TAFA5: variants seen among roughly 807,000 people sequenced by gnomAD.
TAFA5 encodes the protein chemokine-like protein TAFA-5.
Under a neutral mutation model 15.3 loss-of-function variants are expected in TAFA5, and 6 were observed. That is an observed-to-expected ratio of 0.39 (90% confidence interval 0.21 to 0.77). TAFA5 has a LOEUF of 0.77. Among genes scored for constraint, TAFA5 ranks in the 30% least tolerant of loss-of-function variants. The probability of loss-of-function intolerance (pLI) is 0.41; values close to 1 mark genes in which losing one functional copy is unlikely to be tolerated. For synonymous variants in TAFA5, 103 were observed against 80.7 expected, an observed-to-expected ratio of 1.28 and a Z score of -1.48; for missense variants, 161 against 193.1, an observed-to-expected ratio of 0.83 and a Z score of 0.98.
chr22:48,747,903 AAAAAAAAAAAAAAG>A (rs1249876979), intron 3 of TAFA5, among the ~76,000 whole-genome samples: 1 of 151,880 alleles, frequency 6.6e-6, no homozygotes, highest in Non-Finnish European at 1.5e-5. Context: ...TCTAAAAAAA[AAAAAAAAAAAAAAG>A]AATAGCGTGT....
rs1001628249 is a variant in TAFA5 at position 48,636,177 on chromosome 22, G to A, written c.113-10420G>A. Among the ~76,000 whole-genome samples the A allele has an allele frequency of 5.9e-5, 9 of 152,218 alleles. No homozygotes were observed. The South Asian group carries it at 6.2e-4, about 11-fold the overall frequency. The stretch of plus-strand genomic sequence containing the variant: ...GGTGTTGCCGTCAGCTGGCCAGGTC[G>A]CTTCAGTTGATGTTTTCCTGAGATC... On this transcript the variant is annotated intron_variant, in intron 1 of 3. Coordinates refer to ENST00000402357, the MANE Select transcript of TAFA5 (RefSeq NM_001082967.3).
chr22:48,588,959 A>G (rs759900953), intron 1 of TAFA5, among the ~76,000 whole-genome samples: 1 of 152,208 alleles, frequency 6.6e-6, no homozygotes, highest in Admixed American at 6.5e-5. Context: ...TTATTAGCCA[A>G]TTACCTTCCT....
chr22:48,711,270 G>A (rs1223744293), intron 3 of TAFA5, among the ~76,000 whole-genome samples: 2 of 152,170 alleles, frequency 1.3e-5, no homozygotes, highest in Admixed American at 6.5e-5. Context: ...TCCTGGGGGA[G>A]AGTGTGTGTC....
chr22:48,582,951 A>C (rs1924136592), intron 1 of TAFA5, among the ~76,000 whole-genome samples: 2 of 112,634 alleles, frequency 1.8e-5, no homozygotes, highest in African/African-American at 3.0e-5. Flanking sequence ...ACCACATGCC[A>C]CACACACACC....
chr22:48,506,459 A>G (rs1385499167), intron 1 of TAFA5, among the ~76,000 whole-genome samples: 2 of 152,186 alleles, frequency 1.3e-5, no homozygotes, highest in East Asian at 3.9e-4. Context: ...GTGTGACAAA[A>G]ACGCGGCATG....
chr22:48,666,189 A>T (rs1013733435), intron 2 of TAFA5, among the ~76,000 whole-genome samples: 12 of 152,094 alleles, frequency 7.9e-5, no homozygotes, highest in Non-Finnish European at 1.6e-4. Context: ...GGGAGGTTCA[A>T]ATATGATCGC....
At chr22:48,694,183 A>T (rs1928629827) in intron 2 of TAFA5, among the ~76,000 whole-genome samples, 1 of 152,192 alleles carries the variant, frequency 6.6e-6, no homozygotes, top group Non-Finnish European at 1.5e-5. Flanking sequence ...GATTCCCCAT[A>T]GGTAGAAATC....
At chr22:48,575,745 C>T (rs1161280764) in intron 1 of TAFA5, among the ~76,000 whole-genome samples, 1 of 144,952 alleles carries the variant, frequency 6.9e-6, no homozygotes, top group Non-Finnish European at 1.5e-5. Context: ...GGGACCGGCC[C>T]GCCAGCCCCG....
intron 1 of TAFA5, among the ~76,000 whole-genome samples, chr22:48,542,043 G>A (rs2147119616): frequency 6.6e-6 from 1 of 152,222 alleles, no homozygotes; most frequent in South Asian, 2.1e-4. Context: ...AGATTGGAGG[G>A]GCCGGGGCGT....
chr22:48,608,029 C>A (rs74820356), intron 1 of TAFA5, among the ~76,000 whole-genome samples: 3 of 151,404 alleles, frequency 2.0e-5, no homozygotes, highest in Non-Finnish European at 4.4e-5. Context: ...TCTCACACCA[C>A]GACAGCTCAG....
chr22:48,582,615 CAAAAT>C, intron 1 of TAFA5, among the ~76,000 whole-genome samples: 1 of 150,872 alleles, frequency 6.6e-6, no homozygotes, highest in Middle Eastern at 3.5e-3. Context: ...ACGCCACACA[CAAAAT>C]ACACCACACA....
At chr22:48,604,224 G>T (rs576637259) in intron 1 of TAFA5, among the ~76,000 whole-genome samples, 2 of 152,156 alleles carry the variant, frequency 1.3e-5, no homozygotes, top group South Asian at 2.1e-4. Flanking sequence ...ACCTTGGACC[G>T]AGTGTTTACA....
At chr22:48,652,709 C>T (rs1273796488) in intron 2 of TAFA5, among the ~76,000 whole-genome samples, 5 of 152,208 alleles carry the variant, frequency 3.3e-5, no homozygotes, top group African/African-American at 4.8e-5. Flanking sequence ...ACTGGGCACC[C>T]GCTCCCCTAA....
chr22:48,738,820 C>G (rs1032226470), intron 3 of TAFA5, among the ~76,000 whole-genome samples: 1 of 152,174 alleles, frequency 6.6e-6, no homozygotes, highest in Non-Finnish European at 1.5e-5. Context: ...GAGAGTTAAT[C>G]GGCCGTCGCA....
intron 3 of TAFA5, among the ~76,000 whole-genome samples, chr22:48,732,550 T>C (rs1043490047): frequency 1.2e-4 from 18 of 152,180 alleles, no homozygotes; most frequent in African/African-American, 3.9e-4. Context: ...CCACCACGCC[T>C]GGCCAGAAAG....
intron 1 of TAFA5, among the ~76,000 whole-genome samples, chr22:48,617,485 G>T (rs537430238): frequency 6.6e-6 from 1 of 152,186 alleles, no homozygotes. Flanking sequence ...TACTGCAGCC[G>T]TGTGGAGCTC....
At chr22:48,609,724 C>A (rs73427950) in intron 1 of TAFA5, among the ~76,000 whole-genome samples, 5 of 152,214 alleles carry the variant, frequency 3.3e-5, no homozygotes, top group Non-Finnish European at 7.3e-5. Context: ...TGGAGCCGCC[C>A]GTGCTTCTGG....
rs576162758 is a variant in TAFA5 at position 48,621,905 on chromosome 22, G to C, written c.113-24692G>C. 2.3e-4 allele frequency among the ~76,000 whole-genome samples: 35 copies of C among 152,282 alleles called. 1 individual carries two copies. The South Asian group carries it at 7.0e-3, about 31-fold the overall frequency. ...CAGGCCTCTGAGCCTGGCACGGTTTGTGCCTCTGGAGGTGGCTGGACCCCT... is the reference window on the plus strand; with the variant it reads ...CAGGCCTCTGAGCCTGGCACGGTTTCTGCCTCTGGAGGTGGCTGGACCCCT... On this transcript the variant is annotated intron_variant, in intron 1 of 3. Coordinates refer to ENST00000402357, the MANE Select transcript of TAFA5 (RefSeq NM_001082967.3).
intron 1 of TAFA5, among the ~76,000 whole-genome samples, chr22:48,614,826 G>A (rs1329281817): frequency 1.3e-5 from 2 of 152,190 alleles, no homozygotes; most frequent in Non-Finnish European, 1.5e-5. Flanking sequence ...ACAGATGTGG[G>A]GGCCGGGGTA....
Sources: allele counts gnomAD v4.1 joint callset (sites outside exome capture counted in the v4.1 genomes callset), GRCh38; gene constraint gnomAD v4.1.1; transcripts MANE v1.5; gene names NCBI Gene and HGNC (gene_info 2026-07-23, HGNC 2026-07-21).